LRBA: variants seen among roughly 807,000 people sequenced by gnomAD.
LRBA encodes the protein lipopolysaccharide-responsive and beige-like anchor protein.
LRBA carries 176 observed loss-of-function variants against 330.0 expected under a neutral mutation model. That is an observed-to-expected ratio of 0.53 (90% confidence interval 0.47 to 0.60). The LOEUF (loss-of-function observed/expected upper bound fraction) is 0.60. LRBA is among the 20% of genes least tolerant of loss of function. The pLI is 0.00. For synonymous variants in LRBA, 1,230 were observed against 1,193.0 expected, an observed-to-expected ratio of 1.03 and a Z score of -0.64; for missense variants, 3,259 against 3,444.8, an observed-to-expected ratio of 0.95 and a Z score of 1.35.
chr4:150,336,905 A>G (rs1734825340), intron 48 of LRBA, among the ~76,000 whole-genome samples: 1 of 152,190 alleles, frequency 6.6e-6, no homozygotes, highest in African/African-American at 2.4e-5. Context: ...TTCATGGATA[A>G]TTTCAAACAG....
At chr4:150,620,664 A>T (rs930779178) in intron 37 of LRBA, among the ~76,000 whole-genome samples, 3 of 152,202 alleles carry the variant, frequency 2.0e-5, no homozygotes, top group Non-Finnish European at 4.4e-5. Context: ...AACAACTTGG[A>T]TGGAGGTGTA....
chr4:150,872,686 A>G lies in LRBA; in HGVS notation c.2235T>C (p.Tyr745=). ...ACTTTGGGGCCAGATGTTTTAAAAA[A>G]TAACCCATTGCCTTAAGAGCTTGTA... is the stretch of plus-strand genomic sequence containing the variant. ...IRVQALKAMG[Y]FLKHLAPKRK... Residue 745 remains tyrosine (Y), a synonymous_variant, in exon 18 of 57, where the codon TAT becomes TAC. Coordinates refer to ENST00000651943, the MANE Select transcript of LRBA (RefSeq NM_001364905.1). 1 of 1,610,178 alleles carries G rather than the reference A, an allele frequency of 6.2e-7. No homozygotes were observed. Among genetic ancestry groups the G allele is most frequent in the Non-Finnish European group, 8.5e-7 (1 of 1,177,600 alleles).
intron 40 of LRBA, among the ~76,000 whole-genome samples, chr4:150,522,779 C>T (rs2152173629): frequency 6.6e-6 from 1 of 152,312 alleles, no homozygotes; most frequent in Non-Finnish European, 1.5e-5. Flanking sequence ...CCACAGAGTG[C>T]AATAGCTGTG....
At chr4:150,504,763 T>C (rs1197206370) in intron 40 of LRBA, among the ~76,000 whole-genome samples, 1 of 152,132 alleles carries the variant, frequency 6.6e-6, no homozygotes, top group Non-Finnish European at 1.5e-5. Context: ...TGAATGTAAA[T>C]GGGCTACACA....
At chr4:150,473,637 T>C (rs919741576) in intron 42 of LRBA, among the ~76,000 whole-genome samples, 2 of 152,096 alleles carry the variant, frequency 1.3e-5, no homozygotes, top group Admixed American at 6.6e-5. Context: ...CCTTCACTTC[T>C]TACCCCATCC....
chr4:150,555,209 T>A (rs1767136226), intron 40 of LRBA, among the ~76,000 whole-genome samples: 1 of 152,160 alleles, frequency 6.6e-6, no homozygotes, highest in Admixed American at 6.5e-5. Flanking sequence ...ACTTCAGTTG[T>A]TTAATTGTAT....
chr4:150,452,071 A>C (rs1021803113), intron 44 of LRBA, among the ~76,000 whole-genome samples: 2 of 152,160 alleles, frequency 1.3e-5, no homozygotes, highest in African/African-American at 4.8e-5. Flanking sequence ...TTCAAAACTC[A>C]TTTTGTCACG....
intron 53 of LRBA, among the ~76,000 whole-genome samples, chr4:150,300,904 T>C (rs1026745499): frequency 3.3e-5 from 5 of 152,134 alleles, no homozygotes; most frequent in Middle Eastern, 6.8e-3. Context: ...TGACGGTGTA[T>C]AACATAGAGA....
chr4:150,586,345 CA>C (rs1772110289), intron 40 of LRBA, among the ~76,000 whole-genome samples: 1 of 152,024 alleles, frequency 6.6e-6, no homozygotes, highest in Non-Finnish European at 1.5e-5. Flanking sequence ...CAAAAAGAAA[CA>C]AAAATATCCC....
At chr4:150,307,257 A>C (rs1241860763) in intron 52 of LRBA, among the ~76,000 whole-genome samples, 1 of 152,078 alleles carries the variant, frequency 6.6e-6, no homozygotes, top group Non-Finnish European at 1.5e-5. Flanking sequence ...AGTTGTTGCC[A>C]GGAGGTTGAG....
chr4:150,827,603 TC>T (rs1746461069), intron 30 of LRBA, among the ~76,000 whole-genome samples: 1 of 151,618 alleles, frequency 6.6e-6, no homozygotes, highest in Non-Finnish European at 1.5e-5. Flanking sequence ...TCTTTTTTTT[TC>T]TTTTTTTTTT....
intron 37 of LRBA, among the ~76,000 whole-genome samples, chr4:150,677,757 T>C (rs1582016678): frequency 1.3e-5 from 2 of 149,894 alleles, no homozygotes; most frequent in African/African-American, 4.9e-5. Flanking sequence ...TAAGCTATAA[T>C]CACGCCACTG....
intron 37 of LRBA, among the ~76,000 whole-genome samples, chr4:150,611,067 G>A (rs1775208266): frequency 6.6e-6 from 1 of 152,140 alleles, no homozygotes; most frequent in South Asian, 2.1e-4. Context: ...CTAGCCAGGA[G>A]ATGAGGATAG....
intron 35 of LRBA, among the ~76,000 whole-genome samples, chr4:150,742,547 G>A (rs1012271332): frequency 6.6e-6 from 1 of 152,048 alleles, no homozygotes; most frequent in African/African-American, 2.4e-5. Flanking sequence ...ACAATGACAT[G>A]AACTTACTCC....
intron 2 of LRBA, among the ~76,000 whole-genome samples, chr4:151,008,640 TTA>T (rs1744408788): frequency 6.6e-6 from 1 of 151,788 alleles, no homozygotes; most frequent in Non-Finnish European, 1.5e-5. Context: ...CAAACTCATG[TTA>T]TTCAAGAGTC....
chr4:150,589,040 T>C (rs1034436237), intron 39 of LRBA, among the ~76,000 whole-genome samples: 10 of 146,854 alleles, frequency 6.8e-5, no homozygotes, highest in East Asian at 2.0e-4. Flanking sequence ...TGTGTGTGTA[T>C]ACACACACAC....
intron 48 of LRBA, among the ~76,000 whole-genome samples, chr4:150,338,568 TACA>T (rs966440687): frequency 1.3e-5 from 2 of 152,180 alleles, no homozygotes; most frequent in African/African-American, 4.8e-5. Flanking sequence ...GTGTCCCTTA[TACA>T]ACAACTGCTC....
intron 54 of LRBA, among the ~76,000 whole-genome samples, chr4:150,285,201 C>G (rs1388410856): frequency 1.3e-5 from 2 of 152,116 alleles, no homozygotes; most frequent in African/African-American, 2.4e-5. Context: ...CCAGATAAAC[C>G]CAAAAGATGT....
rs975309446 is a variant in LRBA, at chr4:150,516,679, T to G, written c.6331-25644A>C. ...TTATTAGTAGTACTAAAAAAGACAT[T>G]AAAATAATTTATACCCCAGAAACAA... is the stretch of plus-strand genomic sequence containing the variant. On this transcript the variant is annotated intron_variant, in intron 40 of 56. Coordinates refer to ENST00000651943, the MANE Select transcript of LRBA (RefSeq NM_001364905.1). Among the ~76,000 whole-genome samples, 3 of 147,244 alleles carry G rather than the reference T, an allele frequency of 2.0e-5. No homozygotes were observed. In the East Asian group the frequency reaches 6.1e-4, roughly 30 times the overall value.
Sources: allele counts gnomAD v4.1 joint callset (sites outside exome capture counted in the v4.1 genomes callset), GRCh38; gene constraint gnomAD v4.1.1; transcripts MANE v1.5; gene names NCBI Gene and HGNC (gene_info 2026-07-23, HGNC 2026-07-21).